ARMC9: variants seen among roughly 807,000 people sequenced by gnomAD.
The protein encoded by ARMC9 is armadillo repeat containing 9.
Under a neutral mutation model 107.0 loss-of-function variants are expected in ARMC9, and 94 were observed. That is an observed-to-expected ratio of 0.88 (90% confidence interval 0.74 to 1.04). The LOEUF is 1.04. Ranked by LOEUF, ARMC9 falls within the 50% of genes least tolerant of loss-of-function variation. ARMC9 has a pLI of 0.00. For missense variants in ARMC9, 942 were observed against 1,030.1 expected (o/e 0.91, Z 1.17); for synonymous variants, 380 against 396.9 (o/e 0.96, Z 0.51).
intron 5 of ARMC9, among the ~76,000 whole-genome samples, chr2:231,217,079 C>G (rs2033591840): frequency 6.6e-6 from 1 of 152,014 alleles, no homozygotes; most frequent in East Asian, 1.9e-4. Flanking sequence ...TAGGAACAAC[C>G]CAATTGTACA....
At chr2:231,322,564 T>C (rs1026898058) in intron 19 of ARMC9, among the ~76,000 whole-genome samples, 19 of 152,218 alleles carry the variant, frequency 1.2e-4, no homozygotes, top group Non-Finnish European at 2.9e-5. Flanking sequence ...TTCAGGCCAG[T>C]TGCTTAGAAT....
At chr2:231,302,156 A>G (rs1024262369) in intron 19 of ARMC9, among the ~76,000 whole-genome samples, 2 of 152,066 alleles carry the variant, frequency 1.3e-5, no homozygotes, top group African/African-American at 2.4e-5. Flanking sequence ...AAAAACATAT[A>G]TGTTTATATA....
Position 231,226,811 on chromosome 2 carries a change from G to C in ARMC9, c.622+13G>C. The C allele has an allele frequency of 6.2e-7, 1 of 1,612,714 alleles. No individual in the cohort carries two copies. On this transcript the variant is annotated intron_variant, in intron 7 of 24. Transcript: ENST00000611582. ...CAAAGTAACAAAGGTAAATCATCTA[G>C]ATTTAAATTTGTCTAAGAACAACTT...
At position 231,272,391 on chromosome 2, in the gene ARMC9, C is replaced by T. The variant is rs1409646841; in HGVS notation, c.1211-564C>T. Among the ~76,000 whole-genome samples, 6 of 152,048 alleles carry T rather than the reference C, an allele frequency of 3.9e-5. No individual in the cohort carries two copies. In the East Asian group the frequency reaches 5.8e-4, roughly 15 times the overall value. On this transcript the variant is annotated intron_variant, in intron 13 of 24. Coordinates refer to ENST00000611582, the MANE Select transcript of ARMC9 (RefSeq NM_001352754.2). ...CTTAGTTTTTATAGAGATGAGGTTA[C>T]GCCCTGTTGCCCAGGCTGGTCTCCA...
chr2:231,216,814 C>G (rs377039053), intron 5 of ARMC9, 21 bp downstream of exon 5: 6 of 1,604,946 alleles, frequency 3.7e-6, no homozygotes, highest in Non-Finnish European at 5.1e-6. Context: ...GCTTTTAACT[C>G]TTGTGTCAGA....
intron 20 of ARMC9, among the ~76,000 whole-genome samples, chr2:231,338,426 C>T (rs2044273943): frequency 1.3e-5 from 2 of 151,926 alleles, no homozygotes; most frequent in South Asian, 4.2e-4. Flanking sequence ...GGGGTTTCAC[C>T]ATGTTGGCCA....
intron 16 of ARMC9, among the ~76,000 whole-genome samples, chr2:231,279,517 T>C (rs1196825979): frequency 6.8e-6 from 1 of 146,504 alleles, no homozygotes; most frequent in Non-Finnish European, 1.5e-5. Flanking sequence ...TTTTCTTTTT[T>C]TTTTTTTTTT....
chr2:231,258,506 T>C (rs1395667228), intron 10 of ARMC9, among the ~76,000 whole-genome samples: 2 of 152,118 alleles, frequency 1.3e-5, no homozygotes, highest in Admixed American at 1.3e-4. Flanking sequence ...TTCACACTTG[T>C]TTCCTGACTG....
intron 3 of ARMC9, among the ~76,000 whole-genome samples, chr2:231,209,366 G>GAATT (rs2032498117): frequency 6.6e-6 from 1 of 152,160 alleles, no homozygotes; most frequent in African/African-American, 2.4e-5. Flanking sequence ...TAGTGACAGA[G>GAATT]TGAGACCCTG....
At chr2:231,319,747 C>G (rs2042898246) in intron 19 of ARMC9, among the ~76,000 whole-genome samples, 1 of 152,250 alleles carries the variant, frequency 6.6e-6, no homozygotes, top group African/African-American at 2.4e-5. Context: ...CTCTGGCCCT[C>G]CCAGCTTGTC....
chr2:231,369,278 T>G (rs2045927530), intron 23 of ARMC9, among the ~76,000 whole-genome samples: 2 of 134,476 alleles, frequency 1.5e-5, no homozygotes, highest in Non-Finnish European at 3.0e-5. Flanking sequence ...TCCTGTGCTT[T>G]CTTTTTTTTC....
intron 19 of ARMC9, 97 bp from the exon 20 acceptor site, chr2:231,331,696 C>G: frequency 9.6e-7 from 1 of 1,046,822 alleles, no homozygotes; most frequent in Admixed American, 2.1e-5. Context: ...TTGGCCGAGG[C>G]CTTCTTGTTT....
intron 22 of ARMC9, among the ~76,000 whole-genome samples, chr2:231,359,082 G>GTTTTT (rs555726953): frequency 2.5e-5 from 3 of 117,822 alleles, no homozygotes; most frequent in Admixed American, 8.5e-5. Context: ...GGGGTCTCCT[G>GTTTTT]TTTTTTTTTT....
At chr2:231,336,567 C>T (rs993729701) in intron 20 of ARMC9, among the ~76,000 whole-genome samples, 1 of 152,158 alleles carries the variant, frequency 6.6e-6, no homozygotes, top group African/African-American at 2.4e-5. Context: ...ACTATATGAT[C>T]TATGTTTTCG....
chr2:231,305,241 T>C lies in ARMC9; in HGVS notation c.1773+8988T>C, dbSNP rs190001272. The stretch of plus-strand genomic sequence containing the variant: ...TATGGTGAAATACAGTGACTGCTAC[T>C]AGAGTTTGAGATCGCTGCCTTGGTT... On this transcript the variant is annotated intron_variant, in intron 19 of 24. Transcript: ENST00000611582. Among the ~76,000 whole-genome samples the C allele has an allele frequency of 1.6e-3, 247 of 152,366 alleles. 1 individual carries two copies. Among genetic ancestry groups the C allele is most frequent in the South Asian group, 9.9e-3 (48 of 4,830 alleles).
At chr2:231,233,602 C>G (rs1343175187) in intron 7 of ARMC9, among the ~76,000 whole-genome samples, 1 of 152,046 alleles carries the variant, frequency 6.6e-6, no homozygotes, top group African/African-American at 2.4e-5. Flanking sequence ...CATGAAGAAA[C>G]CCCGTCTGTA....
rs369095745 is a variant in ARMC9 at position 231,216,735 on chromosome 2, A to G, written c.446A>G (p.Tyr149Cys). The G allele has an allele frequency of 6.2e-6, 10 of 1,614,044 alleles. No homozygotes were observed. The highest frequency in any genetic ancestry group is 4.5e-5 in the East Asian group (2 of 44,886). Residue 149 changes from tyrosine (Y) to cysteine (C), a missense_variant, in exon 5 of 25, where the codon TAT becomes TGT. Physicochemically the swap from Tyr to Cys is radical, Grantham distance 194. Transcript: ENST00000611582. ...LSQTTEFLPFYALPFVPNPMV... is the reference protein window; with the variant it reads ...LSQTTEFLPFCALPFVPNPMV... ...CAGACCACAGAGTTTCTTCCTTTCTATGCCCTTCCTTTTGTTCCCAACCCT... is the reference window on the plus strand; with the variant it reads ...CAGACCACAGAGTTTCTTCCTTTCTGTGCCCTTCCTTTTGTTCCCAACCCT...
chr2:231,202,541 C>T (rs749231160), intron 1 of ARMC9, among the ~76,000 whole-genome samples: 7 of 150,580 alleles, frequency 4.6e-5, no homozygotes, highest in Non-Finnish European at 1.0e-4. Context: ...AGGCTGGTCT[C>T]GAACTCATGA....
chr2:231,233,496 G>A (rs1338221669), intron 7 of ARMC9, among the ~76,000 whole-genome samples: 1 of 152,082 alleles, frequency 6.6e-6, no homozygotes, highest in Non-Finnish European at 1.5e-5. Context: ...TCTACTTGTG[G>A]CCGGGTGCGG....
Sources: allele counts gnomAD v4.1 joint callset (sites outside exome capture counted in the v4.1 genomes callset), GRCh38; gene constraint gnomAD v4.1.1; transcripts MANE v1.5; gene names NCBI Gene and HGNC (gene_info 2026-07-23, HGNC 2026-07-21).